Variants in TMCO1 observed in about 807,000 individuals in gnomAD.
TMCO1 encodes calcium load-activated calcium channel.
A neutral mutation model predicts 29.3 loss-of-function variants in TMCO1; 29 were observed. The ratio of observed to expected loss-of-function variants is 0.99; its 90% CI spans 0.74 to 1.35. The LOEUF (loss-of-function observed/expected upper bound fraction) is 1.35, where lower values mean the gene tolerates loss of function less well. TMCO1 is among the 40% of genes most tolerant of loss of function. The pLI is 0.00. For missense variants in TMCO1, 173 were observed against 225.5 expected (o/e 0.77, Z 1.49); for synonymous variants, 80 against 77.1 (o/e 1.04, Z -0.20).
At chr1:165,761,413 T>C (rs111557127) in intron 2 of TMCO1, among the ~76,000 whole-genome samples, 1,995 of 152,086 alleles carry the variant, frequency 0.013, 52 homozygotes, top group African/African-American at 0.046. Flanking sequence ...CACATGCCTA[T>C]AGTCCCAGCT....
intron 4 of TMCO1, among the ~76,000 whole-genome samples, chr1:165,752,794 C>CA (rs1383946645): frequency 0.026 from 3,636 of 141,856 alleles, 147 homozygotes; most frequent in African/African-American, 0.084. Flanking sequence ...GACTCCGTCT[C>CA]AAAAAAAAAA....
intron 2 of TMCO1, among the ~76,000 whole-genome samples, chr1:165,759,965 A>C (rs1652339310): frequency 6.6e-6 from 1 of 152,208 alleles, no homozygotes; most frequent in African/African-American, 2.4e-5. Context: ...AGAAGGTAGA[A>C]ATTTATTCAC....
chr1:165,746,587 C>T (rs1213219227), intron 5 of TMCO1, among the ~76,000 whole-genome samples: 1 of 151,786 alleles, frequency 6.6e-6, no homozygotes. Flanking sequence ...TTGATAAGTG[C>T]TTATTATATT....
At chr1:165,761,244 T>C (rs367659469) in intron 2 of TMCO1, among the ~76,000 whole-genome samples, 1 of 152,030 alleles carries the variant, frequency 6.6e-6, no homozygotes, top group Admixed American at 6.6e-5. Flanking sequence ...AATAGAAAGG[T>C]AAGATACAGG....
chr1:165,750,846 G>GTGA (rs1397332021), intron 5 of TMCO1, among the ~76,000 whole-genome samples: 4 of 151,556 alleles, frequency 2.6e-5, no homozygotes, highest in African/African-American at 9.7e-5. Context: ...TGGGTGGGAG[G>GTGA]ATCACTTGAG....
intron 4 of TMCO1, among the ~76,000 whole-genome samples, chr1:165,753,925 G>A (rs891969445): frequency 1.4e-4 from 22 of 152,098 alleles, no homozygotes; most frequent in Admixed American, 3.9e-4. Flanking sequence ...CAGCATTAAC[G>A]TAAAGAAGAA....
At chr1:165,725,758 C>T (rs774279397), downstream of TMCO1, 16 of 454,862 alleles carry the variant, frequency 3.5e-5, no homozygotes, top group Non-Finnish European at 5.7e-5. Context: ...CTGCAGTAGC[C>T]CTTAATAACT....
intron 6 of TMCO1, 112 bp downstream of exon 6, chr1:165,743,055 T>C: frequency 7.4e-7 from 1 of 1,343,374 alleles, no homozygotes; most frequent in Non-Finnish European, 1.1e-6. Context: ...AATGAGCAAC[T>C]GAAAGAACTC....
At chr1:165,740,985 C>G (rs552292651) in intron 6 of TMCO1, among the ~76,000 whole-genome samples, 1 of 152,312 alleles carries the variant, frequency 6.6e-6, no homozygotes, top group Admixed American at 6.5e-5. Flanking sequence ...TAGGGCAGCT[C>G]TATTACAGAG....
chr1:165,758,618 C>T (rs1652284405), intron 3 of TMCO1, among the ~76,000 whole-genome samples: 1 of 152,014 alleles, frequency 6.6e-6, no homozygotes, highest in South Asian at 2.1e-4. Flanking sequence ...TACTTATCAT[C>T]CTGCATAGTA....
At chr1:165,729,023 T>G (rs1227513336) in intron 6 of TMCO1, among the ~76,000 whole-genome samples, 1 of 149,500 alleles carries the variant, frequency 6.7e-6, no homozygotes, top group African/African-American at 2.5e-5. Context: ...TGAGAGTCCC[T>G]TGAACCTAGG....
At chr1:165,735,224 CCTT>C (rs1651321154) in intron 6 of TMCO1, among the ~76,000 whole-genome samples, 1 of 152,132 alleles carries the variant, frequency 6.6e-6, no homozygotes, top group South Asian at 2.1e-4. Flanking sequence ...TCTTTTAGCT[CCTT>C]CTTTGAGGAT....
chr1:165,743,869 T>A (rs1005553668), intron 5 of TMCO1, among the ~76,000 whole-genome samples: 7 of 151,782 alleles, frequency 4.6e-5, no homozygotes, highest in African/African-American at 1.2e-4. Context: ...AATTCCTTTT[T>A]TTTTTTTTTG....
At position 165,728,071 on chromosome 1, in the gene TMCO1, C is replaced by T. The variant is rs774768773; in HGVS notation, c.519G>A (p.Gln173=). ...GLAPSRAATK[Q]AGGFLGPPPP... Reference sequence around the variant, plus strand: ...GTGGTGGGCCAAGAAATCCACCTGCCTGCTTGGTGGCGGCTCGTGAAGGGG... The same window carrying T: ...GTGGTGGGCCAAGAAATCCACCTGCTTGCTTGGTGGCGGCTCGTGAAGGGG... The change falls in exon 7 of 7, where the codon CAG becomes CAA. Residue 173 remains glutamine, a synonymous_variant. Coordinates refer to ENST00000367881, the MANE Select transcript of TMCO1 (RefSeq NM_019026.6). 9 of 1,609,394 alleles carry T rather than the reference C, an allele frequency of 5.6e-6. No individual in the cohort carries two copies. The South Asian group carries it at 6.6e-5, about 12-fold the overall frequency.
intron 1 of TMCO1, 149 bp from the exon 2 acceptor site, chr1:165,768,418 CTTCAGCCA>C: frequency 6.6e-7 from 1 of 1,512,344 alleles, no homozygotes; most frequent in Non-Finnish European, 8.9e-7. Context: ...ACAACTGACT[CTTCAGCCA>C]AAACAACAGT....
Position 165,727,687 on chromosome 1 carries a change from A to G in TMCO1, c.*336T>C. Reference sequence around the variant, plus strand: ...ATCTCTAAATGCTCATAGACAGCCAACTTGCAGGGCATACACAGTGCCTTG... The same window carrying G: ...ATCTCTAAATGCTCATAGACAGCCAGCTTGCAGGGCATACACAGTGCCTTG... On this transcript the variant is annotated 3_prime_UTR_variant, in exon 7 of 7. Coordinates refer to ENST00000367881, the MANE Select transcript of TMCO1 (RefSeq NM_019026.6). The G allele has an allele frequency of 2.2e-6, 1 of 454,848 alleles. No homozygotes were observed. The highest frequency in any genetic ancestry group is 1.6e-5 in the South Asian group (1 of 64,490). The allele number at this position is 454,848 out of a possible 1,614,324, so 28.2% of individuals were successfully genotyped here.
intron 5 of TMCO1, among the ~76,000 whole-genome samples, chr1:165,745,238 G>A (rs1382998868): frequency 2.0e-5 from 3 of 149,500 alleles, no homozygotes; most frequent in Non-Finnish European, 4.5e-5. Flanking sequence ...GCTCAGGCTG[G>A]TCTCAAACTC....
chr1:165,760,786 C>T (rs951902351), intron 2 of TMCO1, among the ~76,000 whole-genome samples: 2 of 151,542 alleles, frequency 1.3e-5, no homozygotes, highest in African/African-American at 4.9e-5. Flanking sequence ...GGCGACAGAG[C>T]GAGACCCCAT....
intron 6 of TMCO1, among the ~76,000 whole-genome samples, chr1:165,734,040 T>C (rs995001658): frequency 2.0e-5 from 3 of 152,362 alleles, no homozygotes; most frequent in Admixed American, 2.0e-4. Flanking sequence ...CCTATGGCAA[T>C]CCTCAGTTCA....
Sources: allele counts gnomAD v4.1 joint callset (sites outside exome capture counted in the v4.1 genomes callset), GRCh38; gene constraint gnomAD v4.1.1; transcripts MANE v1.5; gene names NCBI Gene and HGNC (gene_info 2026-07-23, HGNC 2026-07-21).